Variants in HUS1 observed in about 807,000 individuals in gnomAD.
HUS1 encodes HUS1 checkpoint clamp component.
A neutral mutation model predicts 32.6 loss-of-function variants in HUS1; 31 were observed. The ratio of observed to expected loss-of-function variants is 0.95; its 90% confidence interval spans 0.72 to 1.28. HUS1 has a LOEUF of 1.28. HUS1 is among the 50% of genes most tolerant of loss of function. The pLI, the probability that HUS1 is intolerant of heterozygous loss-of-function variation, is 0.00. For missense variants in HUS1, 340 were observed against 337.7 expected (o/e 1.01, Z -0.05); for synonymous variants, 123 against 116.6 (o/e 1.06, Z -0.36).
intron 1 of HUS1, 42 bp downstream of exon 1, chr7:47,979,426 C>G (rs1183303762): frequency 1.2e-6 from 2 of 1,611,416 alleles, no homozygotes; most frequent in South Asian, 1.1e-5. Flanking sequence ...CTCACTGCTT[C>G]CTTCCGTTCC....
intron 5 of HUS1, 96 bp from the exon 6 acceptor site, chr7:47,969,414 C>T (rs892747794): frequency 7.3e-6 from 5 of 686,888 alleles, no homozygotes; most frequent in Middle Eastern, 4.8e-4. Context: ...TGACAAAGTA[C>T]CCTACAAAAC....
At chr7:47,969,094 C>T in intron 6 of HUS1, 125 bp downstream of exon 6, 1 of 604,570 alleles carries the variant, frequency 1.7e-6, no homozygotes, top group Non-Finnish European at 2.9e-6. Context: ...TTCCTTTGTT[C>T]TTCACCCAAG....
intron 7 of HUS1, among the ~76,000 whole-genome samples, chr7:47,967,042 T>C (rs778702148): frequency 2.0e-5 from 3 of 152,224 alleles, no homozygotes; most frequent in Admixed American, 2.0e-4. Flanking sequence ...AATCTTCTGT[T>C]CCTTCTCTAC....
intron 1 of HUS1, among the ~76,000 whole-genome samples, chr7:47,979,097 C>T (rs1401677877): frequency 6.6e-6 from 1 of 152,064 alleles, no homozygotes; most frequent in Non-Finnish European, 1.5e-5. Flanking sequence ...CTAGGTACTG[C>T]AATACACAGT....
chr7:47,977,617 C>G (rs915144661), intron 3 of HUS1, among the ~76,000 whole-genome samples: 1 of 152,148 alleles, frequency 6.6e-6, no homozygotes, highest in African/African-American at 2.4e-5. Context: ...CTGGGCTGGG[C>G]GCCGTGGCTC....
At position 47,979,520 on chromosome 7, in the gene HUS1, G is replaced by A. The variant is rs752794160; in HGVS notation, c.-1C>T. The A allele has an allele frequency of 6.2e-7, 1 of 1,609,232 alleles. No individual in the cohort carries two copies. Among genetic ancestry groups the A allele is most frequent in the South Asian group, 1.1e-5 (1 of 91,058 alleles). On this transcript the variant is annotated 5_prime_UTR_variant, in exon 1 of 8. Transcript: ENST00000258774. ...CCACGATCTTGGCCCGAAACTTCAT[G>A]GCCGCGGATGGCGCAGCCGCGGCGG... is the stretch of plus-strand genomic sequence containing the variant.
At position 47,967,905 on chromosome 7, in the gene HUS1, C is replaced by A. The variant is rs752411443; in HGVS notation, c.661G>T (p.Asp221Tyr). ...PPLASESTHE[D>Y]RNVEHMAEVH... is the part of the protein sequence containing the mutation. ...TCAGCCATGTGTTCCACGTTTCTGT[C>A]CTCATGGGTGCTTTCAGAGGCTAAA... The change falls in exon 7 of 8, where the codon GAC (aspartate) becomes TAC (tyrosine). Residue 221 changes from aspartate (D) to tyrosine (Y), a missense_variant. Transcript: ENST00000258774. 4 of 1,612,876 alleles carry A rather than the reference C, an allele frequency of 2.5e-6. No individual in the cohort carries two copies. The highest frequency in any genetic ancestry group is 1.1e-5 in the South Asian group (1 of 90,800).
chr7:47,976,364 C>T, intron 4 of HUS1: 5 of 460,672 alleles, frequency 1.1e-5, no homozygotes, highest in African/African-American at 4.0e-5. Flanking sequence ...TTCTTCTCTT[C>T]TTGGCTTTCG....
At chr7:47,967,764 A>G in intron 7 of HUS1, 42 bp downstream of exon 7, 1 of 1,583,096 alleles carries the variant, frequency 6.3e-7, no homozygotes, top group Non-Finnish European at 8.6e-7. Context: ...AGTATTTAGA[A>G]TATGAAAGAA....
intron 5 of HUS1, 62 bp downstream of exon 5, chr7:47,975,551 G>A: frequency 9.3e-7 from 1 of 1,079,148 alleles, no homozygotes; most frequent in East Asian, 2.4e-5. Flanking sequence ...AGGGTGAGCT[G>A]GAGAACCCAC....
At chr7:47,975,558 C>G in intron 5 of HUS1, 55 bp downstream of exon 5, 1 of 1,163,444 alleles carries the variant, frequency 8.6e-7, no homozygotes, top group Non-Finnish European at 1.3e-6. Context: ...GCTGGAGAAC[C>G]CACGCCGTCC....
chr7:47,975,559 C>A, intron 5 of HUS1, 54 bp downstream of exon 5: 1 of 1,176,914 alleles, frequency 8.5e-7, no homozygotes, highest in South Asian at 1.2e-5. Context: ...CTGGAGAACC[C>A]ACGCCGTCCC....
chr7:47,976,218 G>C (rs1788700825), intron 4 of HUS1: 2 of 386,964 alleles, frequency 5.2e-6, no homozygotes, highest in Non-Finnish European at 1.0e-5. Context: ...ATTTTACCCA[G>C]CATATTTCTG....
intron 4 of HUS1, 47 bp from the exon 5 acceptor site, chr7:47,975,734 T>C (rs1218432137): frequency 1.8e-6 from 2 of 1,106,040 alleles, no homozygotes; most frequent in African/African-American, 1.6e-5. Flanking sequence ...AATATTAATA[T>C]ACTCTAGTAA....
rs1257449789 is a variant in HUS1 at position 47,979,378 on chromosome 7, T to TC, written c.52+89dup. 116 of 1,256,124 alleles carry TC rather than the reference T, an allele frequency of 9.2e-5. 1 individual carries two copies. Among genetic ancestry groups the TC allele is most frequent in the South Asian group, 7.3e-4 (60 of 81,928 alleles). 77.8% of individuals were successfully genotyped at this position (1,256,124 alleles called of 1,614,324 possible). The stretch of plus-strand genomic sequence containing the variant: ...CTCCCGCGGCCCCTTCCGGCGCCCA[T>TC]CCCCGTTCTGATCCTCCTGCGCGGT... On this transcript the variant is annotated intron_variant, in intron 1 of 7. Transcript: ENST00000258774.
Position 47,976,798 on chromosome 7 carries a change from T to C in HUS1, c.397A>G (p.Ile133Val), listed in dbSNP as rs1406282119. ...SSSSRIVTHD[I>V]PIKVIPRKLW... ...TTCCTAGGAATCACCTTTATGGGGA[T>C]GTCATGGGTCACAATGCGGCTACTG... The change falls in exon 4 of 8, where the codon ATC (isoleucine) becomes GTC (valine). Residue 133 changes from isoleucine to valine, a missense_variant. Ile to Val is a conservative substitution (Grantham distance 29). Transcript: ENST00000258774. The C allele has an allele frequency of 3.7e-6, 6 of 1,613,634 alleles. No individual in the cohort carries two copies. Among genetic ancestry groups the C allele is most frequent in the Non-Finnish European group, 5.1e-6 (6 of 1,179,642 alleles).
At chr7:47,979,132 G>C (rs1788771921) in intron 1 of HUS1, among the ~76,000 whole-genome samples, 1 of 152,164 alleles carries the variant, frequency 6.6e-6, no homozygotes, top group Non-Finnish European at 1.5e-5. Flanking sequence ...GGCACTGTCA[G>C]GGTGGAGGGA....
intron 5 of HUS1, among the ~76,000 whole-genome samples, chr7:47,973,990 C>T (rs1417321154): frequency 2.0e-5 from 3 of 152,190 alleles, no homozygotes; most frequent in Non-Finnish European, 2.9e-5. Context: ...GTGACACCAA[C>T]GTCAGCACAG....
chr7:47,970,182 G>A (rs555178308), intron 5 of HUS1, among the ~76,000 whole-genome samples: 42 of 140,456 alleles, frequency 3.0e-4, no homozygotes, highest in African/African-American at 8.5e-4. Context: ...GCAGTGAGCC[G>A]AGATTGCGCC....
Sources: allele counts gnomAD v4.1 joint callset (sites outside exome capture counted in the v4.1 genomes callset), GRCh38; gene constraint gnomAD v4.1.1; transcripts MANE v1.5; gene names NCBI Gene and HGNC (gene_info 2026-07-23, HGNC 2026-07-21).